Variants in CHRM3 observed in about 807,000 individuals in gnomAD.
CHRM3 encodes cholinergic receptor muscarinic 3.
Under a neutral mutation model 41.8 loss-of-function variants are expected in CHRM3, and 11 were observed. That is an observed-to-expected ratio of 0.26 (90% CI 0.17 to 0.44). CHRM3 has a LOEUF of 0.44. Ranked by LOEUF, CHRM3 falls within the 20% of genes least tolerant of loss-of-function variation. The pLI is 1.00. For missense variants in CHRM3, 571 were observed against 745.4 expected, an observed-to-expected ratio of 0.77 and a Z score of 2.72; for synonymous variants, 297 against 301.4, an observed-to-expected ratio of 0.99 and a Z score of 0.15.
intron 3 of CHRM3, among the ~76,000 whole-genome samples, chr1:239,589,656 A>G (rs1365317702): frequency 4.8e-5 from 7 of 145,288 alleles, no homozygotes; most frequent in African/African-American, 1.7e-4. Context: ...ATATATATAT[A>G]TATATATATA....
intron 5 of CHRM3, among the ~76,000 whole-genome samples, chr1:239,727,108 C>CA (rs547709367): frequency 1.2e-3 from 178 of 151,488 alleles, no homozygotes; most frequent in Non-Finnish European, 1.8e-3. Context: ...TTGTGAAGAT[C>CA]AAAAAAAATC....
chr1:239,421,847 T>A (rs370159550), intron 1 of CHRM3, among the ~76,000 whole-genome samples: 1 of 148,078 alleles, frequency 6.8e-6, no homozygotes, highest in Non-Finnish European at 1.5e-5. Flanking sequence ...TGATGCCAGA[T>A]TTTTTTTTTT....
Position 239,900,925 on chromosome 1 carries a change from C to T in CHRM3, c.-19-6508C>T, listed in dbSNP as rs1679498643. Among the ~76,000 whole-genome samples the T allele has an allele frequency of 3.3e-5, 5 of 152,308 alleles. 1 individual carries two copies. In the South Asian group the frequency reaches 8.3e-4, roughly 25 times the overall value. On this transcript the variant is annotated intron_variant, in intron 6 of 6. Coordinates refer to ENST00000676153, the MANE Select transcript of CHRM3 (RefSeq NM_001375978.1). ...CGAAGCTGCCTGTTGTGGCCCCATTCTGCATAGCAAATCACCACAAACTTA... is the reference window on the plus strand; with the variant it reads ...CGAAGCTGCCTGTTGTGGCCCCATTTTGCATAGCAAATCACCACAAACTTA...
At chr1:239,757,186 G>C (rs372226861) in intron 5 of CHRM3, among the ~76,000 whole-genome samples, 1 of 152,068 alleles carries the variant, frequency 6.6e-6, no homozygotes, top group African/African-American at 2.4e-5. Flanking sequence ...TCCTTCATCC[G>C]TGAAATAGTT....
intron 5 of CHRM3, among the ~76,000 whole-genome samples, chr1:239,744,025 G>A (rs1486633932): frequency 4.0e-5 from 6 of 149,538 alleles, no homozygotes; most frequent in African/African-American, 1.2e-4. Flanking sequence ...GCTCAGACTG[G>A]TCTCAAACTC....
chr1:239,419,552 A>C (rs902867208), intron 1 of CHRM3, among the ~76,000 whole-genome samples: 1 of 152,192 alleles, frequency 6.6e-6, no homozygotes, highest in African/African-American at 2.4e-5. Context: ...AGAACATATA[A>C]GGTGCTTTAG....
At chr1:239,428,670 A>G (rs1419918771) in intron 1 of CHRM3, among the ~76,000 whole-genome samples, 1 of 152,196 alleles carries the variant, frequency 6.6e-6, no homozygotes, top group East Asian at 1.9e-4. Flanking sequence ...TTAGTAAAAT[A>G]TTTTCCCTGT....
rs536160819 is a variant in CHRM3 at position 239,823,311 on chromosome 1, A to G, written c.-146-3941A>G. Among the ~76,000 whole-genome samples the G allele has an allele frequency of 1.3e-3, 201 of 152,266 alleles. 1 individual carries two copies. The highest frequency in any genetic ancestry group is 2.6e-3 in the Non-Finnish European group (176 of 68,034). On this transcript the variant is annotated intron_variant, in intron 5 of 6. Transcript: ENST00000676153. ...ATATTAAAACCAATAGCCTCATAGAATCATAGAGGAGAGACCTCCAGGTAC... is the reference window on the plus strand; with the variant it reads ...ATATTAAAACCAATAGCCTCATAGAGTCATAGAGGAGAGACCTCCAGGTAC...
At chr1:239,656,286 G>A (rs1280425164) in intron 4 of CHRM3, among the ~76,000 whole-genome samples, 1 of 151,498 alleles carries the variant, frequency 6.6e-6, no homozygotes, top group Non-Finnish European at 1.5e-5. Context: ...ACTTGTACGT[G>A]TACCCCCCAC....
intron 1 of CHRM3, among the ~76,000 whole-genome samples, chr1:239,445,436 T>C (rs1007571915): frequency 1.3e-5 from 2 of 152,104 alleles, no homozygotes; most frequent in Non-Finnish European, 2.9e-5. Context: ...GGATTCACAG[T>C]AGGAGCTGGA....
At position 239,874,306 on chromosome 1, in the gene CHRM3, T is replaced by TATCTATATACACAGTATATAG. The variant is rs1676910808; in HGVS notation, c.-19-33125_-19-33124insCTATATACACAGTATATAGAT. Among the ~76,000 whole-genome samples, 6 of 124,498 alleles carry TATCTATATACACAGTATATAG rather than the reference T, an allele frequency of 4.8e-5. 1 individual carries two copies. The highest frequency in any genetic ancestry group is 7.0e-5 in the African/African-American group (2 of 28,530). 81.7% of individuals were successfully genotyped at this position (124,498 alleles called of 152,430 possible). On this transcript the variant is annotated intron_variant, in intron 6 of 6. Coordinates refer to ENST00000676153, the MANE Select transcript of CHRM3 (RefSeq NM_001375978.1). The stretch of plus-strand genomic sequence containing the variant: ...CACAGTATATATATATATATATATA[T>TATCTATATACACAGTATATAG]ATATATATATATATATATATACACA...
chr1:239,911,428 A>G lies in CHRM3; in HGVS notation c.*2204A>G, dbSNP rs1345995668. ...AATTGCATCTATATTTTATTTCTCA[A>G]GTTGGCCTGGCACTAATAAATATGT... On this transcript the variant is annotated 3_prime_UTR_variant, in exon 7 of 7. Coordinates refer to ENST00000676153, the MANE Select transcript of CHRM3 (RefSeq NM_001375978.1). 1.2e-5 allele frequency: 2 copies of G among 167,030 alleles called. No homozygotes were observed. Among genetic ancestry groups the G allele is most frequent in the Non-Finnish European group, 2.9e-5 (2 of 68,110 alleles). The allele number at this position is 167,030 out of a possible 1,614,324, so 10.3% of individuals were successfully genotyped here.
intron 5 of CHRM3, among the ~76,000 whole-genome samples, chr1:239,799,134 G>A (rs1670011259): frequency 6.6e-6 from 1 of 151,998 alleles, no homozygotes; most frequent in Non-Finnish European, 1.5e-5. Context: ...AAGAGAGAAT[G>A]TTAAAAAGAG....
At chr1:239,811,400 C>T (rs959357724) in intron 5 of CHRM3, among the ~76,000 whole-genome samples, 7 of 152,152 alleles carry the variant, frequency 4.6e-5, no homozygotes, top group South Asian at 2.1e-4. Flanking sequence ...ACTCCTGCAC[C>T]GAAGGCTCCT....
intron 5 of CHRM3, among the ~76,000 whole-genome samples, chr1:239,818,449 A>G (rs1356559307): frequency 6.6e-6 from 1 of 151,954 alleles, no homozygotes; most frequent in East Asian, 1.9e-4. Flanking sequence ...AGCTTCCTCC[A>G]CTCCCTGGAA....
intron 1 of CHRM3, among the ~76,000 whole-genome samples, chr1:239,411,527 C>T (rs1405253931): frequency 2.0e-5 from 3 of 151,730 alleles, no homozygotes; most frequent in Non-Finnish European, 4.4e-5. Context: ...GAGTTCAAGA[C>T]CAGCCTGGCC....
At chr1:239,734,115 G>A (rs1338030948) in intron 5 of CHRM3, among the ~76,000 whole-genome samples, 1 of 151,982 alleles carries the variant, frequency 6.6e-6, no homozygotes, top group African/African-American at 2.4e-5. Flanking sequence ...TTCATAACAG[G>A]CAACCAACCT....
intron 1 of CHRM3, among the ~76,000 whole-genome samples, chr1:239,455,426 A>G (rs921349717): frequency 3.3e-5 from 5 of 152,102 alleles, no homozygotes; most frequent in South Asian, 2.1e-4. Flanking sequence ...AGAAGAAGGC[A>G]TCATTATCAT....
rs1023904787 is a variant in CHRM3, at chr1:239,386,827, G to C, written c.-921G>C. 2 of 152,496 alleles carry C rather than the reference G, an allele frequency of 1.3e-5. No individual in the cohort carries two copies. The highest frequency in any genetic ancestry group is 6.5e-5 in the Admixed American group (1 of 15,282). The allele number at this position is 152,496 out of a possible 1,614,324, so 9.4% of individuals were successfully genotyped here. A position where few individuals can be genotyped will look rare whatever the true frequency, so the allele number is the denominator to read the frequency against. On this transcript the variant is annotated 5_prime_UTR_variant, in exon 1 of 7. Coordinates refer to ENST00000676153, the MANE Select transcript of CHRM3 (RefSeq NM_001375978.1). Reference sequence around the variant, plus strand: ...AAAAGGGCGTGAACAGAAAGGGCCGGAGCGTGCAGGGGAGCACAGGGCGCG... The same window carrying C: ...AAAAGGGCGTGAACAGAAAGGGCCGCAGCGTGCAGGGGAGCACAGGGCGCG...
Sources: gnomAD v4.1 joint callset for allele counts (sites outside exome capture counted in the v4.1 genomes callset) on GRCh38, gnomAD v4.1.1 for gene constraint, MANE v1.5 for transcripts, NCBI Gene and HGNC (gene_info 2026-07-23, HGNC 2026-07-21) for gene names.